Variants in SLCO1A2 observed in about 807,000 individuals in gnomAD.
The protein encoded by SLCO1A2 is OATP-1.
SLCO1A2 carries 67 observed loss-of-function variants against 69.0 expected under a neutral mutation model. The ratio of observed to expected loss-of-function variants is 0.97; its 90% CI spans 0.80 to 1.19. The LOEUF (loss-of-function observed/expected upper bound fraction) is 1.19, where lower values mean the gene tolerates loss of function less well. Among genes scored for constraint, SLCO1A2 ranks in the 50% most tolerant of loss-of-function variants. SLCO1A2 has a pLI of 0.00. For missense variants in SLCO1A2, 787 were observed against 793.7 expected (o/e 0.99, Z 0.10); for synonymous variants, 260 against 265.9 (o/e 0.98, Z 0.22).
In SLCO1A2 at chr12:21,352,787, T is replaced by C. The variant is rs551885986; in HGVS notation, c.-62-18078A>G. ...TTTTCCTTGTTGCTTTACATGTTTG[T>C]TTAGTTCATTGTTTGGTTGATTGTT... On this transcript the variant is annotated intron_variant, in intron 2 of 15. Transcript: ENST00000307378. Among the ~76,000 whole-genome samples the C allele has an allele frequency of 3.9e-5, 6 of 152,334 alleles. No homozygotes were observed. The East Asian group carries it at 1.2e-3, about 29-fold the overall frequency.
At chr12:21,292,143 A>G in intron 12 of SLCO1A2, 21 bp downstream of exon 12, 2 of 1,502,904 alleles carry the variant, frequency 1.3e-6, no homozygotes, top group Non-Finnish European at 1.8e-6. Context: ...AAAAATATAA[A>G]TAAAGAAAAT....
At chr12:21,290,566 A>G (rs1204071028) in intron 12 of SLCO1A2, among the ~76,000 whole-genome samples, 5 of 152,210 alleles carry the variant, frequency 3.3e-5, no homozygotes, top group Non-Finnish European at 7.3e-5. Flanking sequence ...GACGTATTAT[A>G]TACACTATGA....
upstream of SLCO1A2, chr12:21,419,629 A>C (rs942733497): frequency 1.2e-4 from 20 of 166,730 alleles, no homozygotes; most frequent in Non-Finnish European, 1.9e-4. Context: ...GCAAGGCGGC[A>C]ATGAGGCTGG....
intron 1 of SLCO1A2, among the ~76,000 whole-genome samples, chr12:21,415,224 T>G (rs1209498352): frequency 6.6e-6 from 1 of 152,098 alleles, no homozygotes; most frequent in East Asian, 1.9e-4. Flanking sequence ...AAAATTTACA[T>G]CTCTATTTCC....
At chr12:21,353,936 C>A (rs956753109) in intron 2 of SLCO1A2, among the ~76,000 whole-genome samples, 30 of 152,162 alleles carry the variant, frequency 2.0e-4, no homozygotes, top group Admixed American at 1.4e-3. Context: ...AGTGTGGCAG[C>A]TTTGGTGTGT....
intron 7 of SLCO1A2, 26 bp downstream of exon 7, chr12:21,301,145 T>G: frequency 6.7e-7 from 1 of 1,490,808 alleles, no homozygotes. Flanking sequence ...GTCTAGACAC[T>G]GTACAAATAG....
intron 1 of SLCO1A2, among the ~76,000 whole-genome samples, chr12:21,392,958 T>C (rs1167747956): frequency 6.6e-6 from 1 of 152,168 alleles, no homozygotes; most frequent in Admixed American, 6.5e-5. Flanking sequence ...TTTCCAAATG[T>C]TACAAAAGGA....
chr12:21,319,429 G>T (rs774160134), intron 2 of SLCO1A2: 49 of 1,367,632 alleles, frequency 3.6e-5, no homozygotes, highest in Non-Finnish European at 4.5e-5. Flanking sequence ...GAAACATTCT[G>T]CATTCTCAGC....
chr12:21,304,531 A>G lies in SLCO1A2; in HGVS notation c.485T>C (p.Leu162Pro). The G allele has an allele frequency of 6.2e-7, 1 of 1,613,302 alleles. No homozygotes were observed. The highest frequency in any genetic ancestry group is 8.5e-7 in the Non-Finnish European group (1 of 1,179,300). ...CATTCCACGTACAATATTGCCTACT[A>G]GGACGTACACCCACATTAATGATTT... is the stretch of plus-strand genomic sequence containing the variant. ...EVKSLMWVYV[L>P]VGNIVRGMGE... The change falls in exon 6 of 15, where the codon CTA becomes CCA. Residue 162 changes from leucine (L) to proline (P), a missense_variant. Transcript: ENST00000683939.
intron 5 of SLCO1A2, among the ~76,000 whole-genome samples, chr12:21,305,914 A>G (rs1949322074): frequency 6.6e-6 from 1 of 152,248 alleles, no homozygotes; most frequent in African/African-American, 2.4e-5. Flanking sequence ...TTGAGTCATC[A>G]GAGTCATCTC....
chr12:21,379,040 A>C (rs1940414312), intron 1 of SLCO1A2: 1 of 152,258 alleles, frequency 6.6e-6, no homozygotes, highest in South Asian at 2.1e-4. Flanking sequence ...GCACCACTGC[A>C]CTCCAGCCTG....
intron 12 of SLCO1A2, among the ~76,000 whole-genome samples, chr12:21,277,885 T>C (rs1944155927): frequency 6.6e-6 from 1 of 152,116 alleles, no homozygotes; most frequent in African/African-American, 2.4e-5. Flanking sequence ...TCTGGTAATA[T>C]TCTGTGGCCC....
At chr12:21,357,733 A>G (rs1938485560) in intron 2 of SLCO1A2, among the ~76,000 whole-genome samples, 2 of 151,760 alleles carry the variant, frequency 1.3e-5, no homozygotes. Context: ...TTTTGTTTTT[A>G]TCTGGAGGAA....
At chr12:21,315,955 T>C (rs188953395) in intron 3 of SLCO1A2, among the ~76,000 whole-genome samples, 275 of 152,330 alleles carry the variant, frequency 1.8e-3, no homozygotes, top group Admixed American at 3.6e-3. Context: ...ATGGAGAATG[T>C]TGCCTGTAAA....
At position 21,285,216 on chromosome 12, in the gene SLCO1A2, A is replaced by C. The variant is rs560976327; in HGVS notation, c.1610+6948T>G. Among the ~76,000 whole-genome samples, 46 of 152,056 alleles carry C rather than the reference A, an allele frequency of 3.0e-4. 1 individual carries two copies. Among genetic ancestry groups the C allele is most frequent in the Middle Eastern group, 3.4e-3 (1 of 294 alleles). ...CAGAAATACAAACTACCATCAGAGA[A>C]TACTACAAACACCTCTACACAAATA... On this transcript the variant is annotated intron_variant, in intron 12 of 14. Coordinates refer to ENST00000683939, the MANE Select transcript of SLCO1A2 (RefSeq NM_001386879.1).
chr12:21,290,985 A>G (rs910247343), intron 12 of SLCO1A2, among the ~76,000 whole-genome samples: 5 of 152,226 alleles, frequency 3.3e-5, no homozygotes, highest in African/African-American at 1.2e-4. Context: ...TGCAGGAAAT[A>G]TAATGAGTAA....
intron 12 of SLCO1A2, among the ~76,000 whole-genome samples, chr12:21,291,938 A>G (rs1444161248): frequency 6.6e-6 from 1 of 152,138 alleles, no homozygotes; most frequent in African/African-American, 2.4e-5. Context: ...TCTAAGAAAT[A>G]AGGAAGAAAA....
At chr12:21,273,119 G>A (rs756767064) in intron 14 of SLCO1A2, among the ~76,000 whole-genome samples, 1 of 152,172 alleles carries the variant, frequency 6.6e-6, no homozygotes, top group Non-Finnish European at 1.5e-5. Context: ...GAGACAGAGG[G>A]AGAACCCAGG....
chr12:21,317,442 G>T (rs1951021380), intron 3 of SLCO1A2, among the ~76,000 whole-genome samples: 1 of 151,846 alleles, frequency 6.6e-6, no homozygotes, highest in African/African-American at 2.4e-5. Flanking sequence ...GAAAATTTTA[G>T]CTATCCTCCG....
Sources: gnomAD v4.1 joint callset for allele counts (sites outside exome capture counted in the v4.1 genomes callset) on GRCh38, gnomAD v4.1.1 for gene constraint, MANE v1.5 for transcripts, NCBI Gene and HGNC (gene_info 2026-07-23, HGNC 2026-07-21) for gene names.